The following EIF4G3 variants were observed in gnomAD, a reference collection of about 807,000 sequenced individuals.
EIF4G3 encodes eukaryotic translation initiation factor 4 gamma 3.
EIF4G3 carries 34 observed loss-of-function variants against 186.4 expected under a neutral mutation model. That is an observed-to-expected ratio of 0.18 (90% CI 0.14 to 0.24). The LOEUF is 0.24. EIF4G3 is among the 10% of genes least tolerant of loss of function. The pLI, the probability that EIF4G3 is intolerant of heterozygous loss-of-function variation, is 1.00. For synonymous variants in EIF4G3, 673 were observed against 679.5 expected (o/e 0.99, Z 0.15); for missense variants, 1,536 against 1,948.5 (o/e 0.79, Z 3.99).
At chr1:20,905,669 C>T (rs2091864928) in intron 14 of EIF4G3, among the ~76,000 whole-genome samples, 1 of 152,158 alleles carries the variant, frequency 6.6e-6, no homozygotes, top group African/African-American at 2.4e-5. Flanking sequence ...ATCTGGCTTA[C>T]AAATTCCACA....
At chr1:20,896,226 A>G (rs2087952013) in intron 16 of EIF4G3, among the ~76,000 whole-genome samples, 1 of 152,114 alleles carries the variant, frequency 6.6e-6, no homozygotes, top group Non-Finnish European at 1.5e-5. Flanking sequence ...GGAGGCCAAG[A>G]GTTTGAGACC....
chr1:20,990,609 C>T (rs186176000), intron 7 of EIF4G3, among the ~76,000 whole-genome samples: 57 of 152,166 alleles, frequency 3.7e-4, no homozygotes, highest in African/African-American at 1.2e-3. Flanking sequence ...GCAGAGGCTG[C>T]GGTGAGCTGA....
intron 3 of EIF4G3, among the ~76,000 whole-genome samples, chr1:21,054,322 A>ACAAACACTGC (rs1002775213): frequency 2.7e-5 from 3 of 110,898 alleles, no homozygotes; most frequent in Non-Finnish European, 6.1e-5. Context: ...ACCCAGGGAC[A>ACAAACACTGC]CAAACACTGC....
intron 2 of EIF4G3, among the ~76,000 whole-genome samples, chr1:21,166,716 G>C (rs909228004): frequency 1.3e-5 from 2 of 152,116 alleles, no homozygotes; most frequent in African/African-American, 2.4e-5. Context: ...TTGGGTGACA[G>C]AGCAAGACTG....
At chr1:21,010,732 A>G (rs1262323730) in intron 4 of EIF4G3, among the ~76,000 whole-genome samples, 1 of 152,218 alleles carries the variant, frequency 6.6e-6, no homozygotes, top group Non-Finnish European at 1.5e-5. Context: ...TATGAGTTCT[A>G]TATTTTATAT....
At chr1:20,944,622 A>G (rs2095863609) in intron 13 of EIF4G3, among the ~76,000 whole-genome samples, 1 of 152,198 alleles carries the variant, frequency 6.6e-6, no homozygotes, top group African/African-American at 2.4e-5. Flanking sequence ...TAAATATCTA[A>G]TAAGAGTATG....
chr1:20,917,152 A>T (rs894491836), intron 14 of EIF4G3, among the ~76,000 whole-genome samples: 3 of 152,210 alleles, frequency 2.0e-5, no homozygotes, highest in East Asian at 1.9e-4. Flanking sequence ...GGCAATTTTT[A>T]AAAATGAGCT....
chr1:20,892,595 CA>C (rs1190646930), intron 18 of EIF4G3: 2 of 1,431,990 alleles, frequency 1.4e-6, no homozygotes, highest in Non-Finnish European at 1.9e-6. Context: ...ACTATTATTA[CA>C]AAAAACAAAG....
chr1:20,962,286 A>G (rs967901075), intron 12 of EIF4G3, among the ~76,000 whole-genome samples: 3 of 152,008 alleles, frequency 2.0e-5, no homozygotes, highest in Non-Finnish European at 4.4e-5. Flanking sequence ...GATAAAACAT[A>G]TTTTTTTCTC....
intron 2 of EIF4G3, among the ~76,000 whole-genome samples, chr1:21,106,193 T>A (rs138551440): frequency 6.6e-6 from 1 of 152,218 alleles, no homozygotes; most frequent in Non-Finnish European, 1.5e-5. Context: ...TATGAATTCT[T>A]TTAACAGGCG....
chr1:20,854,863 C>G, intron 26 of EIF4G3, 115 bp downstream of exon 26: 1 of 685,474 alleles, frequency 1.5e-6, no homozygotes, highest in East Asian at 2.9e-5. Context: ...AAATTTTAGG[C>G]ATGATTAGTC....
intron 2 of EIF4G3, among the ~76,000 whole-genome samples, chr1:21,117,332 T>C (rs757896438): frequency 6.6e-6 from 1 of 152,058 alleles, no homozygotes; most frequent in African/African-American, 2.4e-5. Flanking sequence ...ATGAGTTAGA[T>C]GAGATACGGT....
At chr1:21,088,113 T>A (rs1364832514) in intron 3 of EIF4G3, among the ~76,000 whole-genome samples, 2 of 151,668 alleles carry the variant, frequency 1.3e-5, no homozygotes, top group South Asian at 2.1e-4. Flanking sequence ...TGAAAAAAAA[T>A]TAAATTTCCT....
intron 28 of EIF4G3, among the ~76,000 whole-genome samples, chr1:20,850,935 C>G (rs1332411183): frequency 8.5e-5 from 13 of 152,194 alleles, no homozygotes; most frequent in Admixed American, 8.5e-4. Context: ...GAGCTCTACA[C>G]AGCATACACA....
chr1:20,891,389 T>C (rs1362701588), intron 18 of EIF4G3, among the ~76,000 whole-genome samples: 2 of 151,958 alleles, frequency 1.3e-5, no homozygotes, highest in African/African-American at 4.8e-5. Flanking sequence ...TTCAAATATT[T>C]GGCAAAACAA....
At position 21,108,402 on chromosome 1, in the gene EIF4G3, A is replaced by T. The variant is rs370950734; in HGVS notation, c.-271-19189T>A. ...AACTACTTCTATTGTCTTTTCACTC[A>T]TCATTAGTAAGATTACTAGACAATG... On this transcript the variant is annotated intron_variant, in intron 2 of 36. Transcript: ENST00000602326. 2.0e-5 allele frequency among the ~76,000 whole-genome samples: 3 copies of T among 152,238 alleles called. No individual in the cohort carries two copies. In the East Asian group the frequency reaches 5.8e-4, roughly 29 times the overall value.
chr1:21,134,755 G>A (rs1414493031), intron 2 of EIF4G3, among the ~76,000 whole-genome samples: 1 of 152,134 alleles, frequency 6.6e-6, no homozygotes, highest in African/African-American at 2.4e-5. Context: ...TGAAAGAGAG[G>A]AGCAAGTGAT....
chr1:21,101,562 G>GGAAAAAAAAAAAAA lies in EIF4G3; in HGVS notation c.-271-12350_-271-12349insTTTTTTTTTTTTTC, dbSNP rs1553241664. On this transcript the variant is annotated intron_variant, in intron 2 of 36. Transcript: ENST00000602326. ...TCTAGCCTGGGCAACAGGGTCTCAG[G>GGAAAAAAAAAAAAA]AAAAAAAAAAAAACAACAAAAAAAA... is the stretch of plus-strand genomic sequence containing the variant. 5.7e-5 allele frequency among the ~76,000 whole-genome samples: 2 copies of GGAAAAAAAAAAAAA among 35,370 alleles called. 1 individual carries two copies. Among genetic ancestry groups the GGAAAAAAAAAAAAA allele is most frequent in the African/African-American group, 1.7e-4 (2 of 11,670 alleles). The allele number at this position is 35,370 out of a possible 152,430, so 23.2% of individuals were successfully genotyped here. A position where few individuals can be genotyped will look rare whatever the true frequency, so the allele number is the denominator to read the frequency against.
intron 2 of EIF4G3, among the ~76,000 whole-genome samples, chr1:21,145,114 T>A (rs2097415363): frequency 7.0e-6 from 1 of 143,410 alleles, no homozygotes; most frequent in African/African-American, 2.5e-5. Context: ...AAAAAAAAAT[T>A]ATGCCATTAT....
Sources: gnomAD v4.1 joint callset for allele counts (sites outside exome capture counted in the v4.1 genomes callset) on GRCh38, gnomAD v4.1.1 for gene constraint, MANE v1.5 for transcripts, NCBI Gene and HGNC (gene_info 2026-07-23, HGNC 2026-07-21) for gene names.